PKD1L1: variants seen among roughly 807,000 people sequenced by gnomAD.
PKD1L1 encodes polycystin 1 like 1, transient receptor potential channel interacting.
PKD1L1 carries 236 observed loss-of-function variants against 323.4 expected under a neutral mutation model. The observed-to-expected ratio is 0.73, with a 90% confidence interval of 0.66 to 0.81. The LOEUF is 0.81. Among genes scored for constraint, PKD1L1 ranks in the 40% least tolerant of loss-of-function variants. The pLI, the probability that PKD1L1 is intolerant of heterozygous loss-of-function variation, is 0.00. For synonymous variants in PKD1L1, 1,344 were observed against 1,335.0 expected, an observed-to-expected ratio of 1.01 and a Z score of -0.15; for missense variants, 3,320 against 3,508.0, an observed-to-expected ratio of 0.95 and a Z score of 1.35.
chr7:47,855,443 A>G (rs1038838961), intron 28 of PKD1L1, among the ~76,000 whole-genome samples, 178 bp from the exon 29 acceptor site: 3 of 152,218 alleles, frequency 2.0e-5, no homozygotes, highest in Non-Finnish European at 4.4e-5. Flanking sequence ...GCAGGATTGG[A>G]GTGAATATTA....
At chr7:47,855,389 A>G in intron 28 of PKD1L1, 124 bp from the exon 29 acceptor site, 1 of 601,894 alleles carries the variant, frequency 1.7e-6, no homozygotes. Context: ...GCCTGATATT[A>G]GAAGCTAGCA....
At chr7:47,814,653 A>G (rs907683236) in intron 47 of PKD1L1, among the ~76,000 whole-genome samples, 1 of 152,202 alleles carries the variant, frequency 6.6e-6, no homozygotes, top group Middle Eastern at 3.2e-3. Flanking sequence ...AGCTGGGATT[A>G]TAGGCACGCG....
intron 26 of PKD1L1, among the ~76,000 whole-genome samples, chr7:47,864,334 C>T (rs1231217673): frequency 6.6e-6 from 1 of 152,064 alleles, no homozygotes; most frequent in Non-Finnish European, 1.5e-5. Flanking sequence ...GAGAATGATG[C>T]GTGCTCTTCT....
At chr7:47,888,687 G>T (rs1786740238) in intron 16 of PKD1L1, among the ~76,000 whole-genome samples, 1 of 152,210 alleles carries the variant, frequency 6.6e-6, no homozygotes, top group Non-Finnish European at 1.5e-5. Flanking sequence ...TCTTCCCTGT[G>T]CAGGGTTGTG....
rs1269256629 is a variant in PKD1L1 at position 47,929,338 on chromosome 7, C to T, written c.926G>A (p.Gly309Glu). The change falls in exon 7 of 57, where the codon GGA (glycine) becomes GAA (glutamate). Residue 309 changes from glycine (G) to glutamate (E), a missense_variant. Coordinates refer to ENST00000289672, the MANE Select transcript of PKD1L1 (RefSeq NM_138295.5). Reference sequence around the variant, plus strand: ...TCCAGAAGCCATATGAACACGGAATCCCAGATTTGGAGGTGCCCGAGCTTC... The same window carrying T: ...TCCAGAAGCCATATGAACACGGAATTCCAGATTTGGAGGTGCCCGAGCTTC... ...EVEARAPPNL[G>E]FRVHMASGEA... The T allele has an allele frequency of 3.1e-6, 5 of 1,614,036 alleles. No homozygotes were observed. In the African/African-American group the frequency reaches 5.3e-5, roughly 17 times the overall value.
intron 16 of PKD1L1, 124 bp from the exon 17 acceptor site, chr7:47,888,274 C>A (rs865971104): frequency 2.1e-6 from 2 of 958,542 alleles, no homozygotes; most frequent in African/African-American, 3.3e-5. Flanking sequence ...ACTTCAATAG[C>A]AATGTCACAG....
chr7:47,879,600 T>C (rs1168871290), intron 21 of PKD1L1, among the ~76,000 whole-genome samples: 7 of 127,194 alleles, frequency 5.5e-5, no homozygotes, highest in African/African-American at 2.2e-4. Flanking sequence ...GCCTCTGCAC[T>C]CCAGCCTGGG....
chr7:47,897,632 G>A (rs1562979073), intron 14 of PKD1L1, among the ~76,000 whole-genome samples: 1 of 152,206 alleles, frequency 6.6e-6, no homozygotes, highest in African/African-American at 2.4e-5. Context: ...CCTGCCCTCT[G>A]ACTGTCGTCT....
intron 1 of PKD1L1, among the ~76,000 whole-genome samples, chr7:47,945,692 G>A (rs567626217): frequency 9.2e-5 from 14 of 152,266 alleles, no homozygotes; most frequent in African/African-American, 2.2e-4. Flanking sequence ...AGGAAAGGAC[G>A]AACCTAACCT....
chr7:47,850,830 G>T (rs890771974), intron 31 of PKD1L1, among the ~76,000 whole-genome samples: 1 of 152,016 alleles, frequency 6.6e-6, no homozygotes, highest in Non-Finnish European at 1.5e-5. Context: ...AATCTAGAAA[G>T]AAATATTGAA....
rs766982650 is a variant in PKD1L1 at position 47,837,003 on chromosome 7, G to A, written c.5861C>T (p.Thr1954Met). 3.7e-5 allele frequency: 60 copies of A among 1,614,060 alleles called. 1 individual carries two copies. The highest frequency in any genetic ancestry group is 2.2e-4 in the South Asian group (20 of 91,074). The change falls in exon 37 of 57, where the codon ACG (threonine) becomes ATG (methionine). Residue 1954 changes from threonine to methionine, a missense_variant. By Grantham distance (81) the Thr-to-Met change is moderately conservative. Coordinates refer to ENST00000289672, the MANE Select transcript of PKD1L1 (RefSeq NM_138295.5). ...SRPSSSRYLHTPRLTVSFSLL... is the reference protein window; with the variant it reads ...SRPSSSRYLHMPRLTVSFSLL... Reference sequence around the variant, plus strand: ...GGAGAAGGACACGGTGAGGCGCGGCGTGTGCAGGTAGCGGCTGGAGGAGGG... The same window carrying A: ...GGAGAAGGACACGGTGAGGCGCGGCATGTGCAGGTAGCGGCTGGAGGAGGG...
chr7:47,893,535 G>A (rs1042003544), intron 15 of PKD1L1, among the ~76,000 whole-genome samples: 1 of 152,146 alleles, frequency 6.6e-6, no homozygotes, highest in African/African-American at 2.4e-5. Flanking sequence ...GCAGCCTCCA[G>A]CAACAAGAGA....
At chr7:47,952,598 TTC>T (rs1392790708), upstream of PKD1L1, among the ~76,000 whole-genome samples, 4 of 152,202 alleles carry the variant, frequency 2.6e-5, no homozygotes, top group Admixed American at 2.0e-4. Flanking sequence ...CTGGGCCGTT[TTC>T]TCTGAGATAA....
Position 47,932,251 on chromosome 7 carries a change from G to A in PKD1L1, c.399-195C>T, listed in dbSNP as rs12702399. Among the ~76,000 whole-genome samples the A allele has an allele frequency of 0.1, 15,246 of 152,238 alleles. 889 individuals carry two copies. Among genetic ancestry groups the A allele is most frequent in the South Asian group, 0.2 (959 of 4,824 alleles). ...TGATGTGGTTAGAAGCCAAACCAGCGGGGCTGCTGCAGGCACTCGAGGGAG... is the reference window on the plus strand; with the variant it reads ...TGATGTGGTTAGAAGCCAAACCAGCAGGGCTGCTGCAGGCACTCGAGGGAG... On this transcript the variant is annotated intron_variant, in intron 4 of 56. Transcript: ENST00000289672.
chr7:47,898,502 T>C (rs1787009594), intron 13 of PKD1L1, among the ~76,000 whole-genome samples: 1 of 152,154 alleles, frequency 6.6e-6, no homozygotes, highest in Admixed American at 6.5e-5. Context: ...TTTGATTACA[T>C]AAAAAATTTA....
Position 47,866,620 on chromosome 7 carries a change from G to C in PKD1L1, c.3897-6C>G, listed in dbSNP as rs1183147443. ...TTTTCAGGCTGGAATTATACCTGAA[G>C]GAAACACAAGAGTTATCATTACTGT... On this transcript the variant is annotated splice_region_variant and splice_polypyrimidine_tract_variant and intron_variant, in intron 24 of 56. Transcript: ENST00000289672. 1 of 1,591,452 alleles carries C rather than the reference G, an allele frequency of 6.3e-7. No individual in the cohort carries two copies.
Position 47,813,312 on chromosome 7 carries a change from G to A in PKD1L1, c.7174-19C>T. On this transcript the variant is annotated intron_variant, in intron 48 of 56. Coordinates refer to ENST00000289672, the MANE Select transcript of PKD1L1 (RefSeq NM_138295.5). Reference sequence around the variant, plus strand: ...TGGGAGGCTGCAGAACAAACCAGCAGTCAGAAGACACAGATACTATTCCCA... The same window carrying A: ...TGGGAGGCTGCAGAACAAACCAGCAATCAGAAGACACAGATACTATTCCCA... 1.2e-6 allele frequency: 2 copies of A among 1,613,334 alleles called. No individual in the cohort carries two copies. Among genetic ancestry groups the A allele is most frequent in the Non-Finnish European group, 1.7e-6 (2 of 1,179,670 alleles).
intron 7 of PKD1L1, among the ~76,000 whole-genome samples, chr7:47,928,440 C>T (rs1787695460): frequency 6.6e-6 from 1 of 152,056 alleles, no homozygotes; most frequent in African/African-American, 2.4e-5. Context: ...CATGGTGGTG[C>T]ACACCTGTAA....
chr7:47,938,174 A>C (rs12532323), intron 3 of PKD1L1, among the ~76,000 whole-genome samples: 122,527 of 152,060 alleles, frequency 0.81, 50,080 homozygotes, highest in East Asian at 1. Context: ...CCAACGGCCC[A>C]GCCCCTCCCT....
Sources: allele counts gnomAD v4.1 joint callset (sites outside exome capture counted in the v4.1 genomes callset), GRCh38; gene constraint gnomAD v4.1.1; transcripts MANE v1.5; gene names NCBI Gene and HGNC (gene_info 2026-07-23, HGNC 2026-07-21).